The following CDH4 variants were observed in gnomAD, a reference collection of about 807,000 sequenced individuals.
CDH4 encodes the protein cadherin 4.
A neutral mutation model predicts 86.0 loss-of-function variants in CDH4; 33 were observed. That is an observed-to-expected ratio of 0.38 (90% CI 0.29 to 0.51). CDH4 has a LOEUF of 0.51. Ranked by LOEUF, CDH4 falls within the 20% of genes least tolerant of loss-of-function variation. CDH4 has a pLI of 0.86. For synonymous variants in CDH4, 555 were observed against 549.4 expected, an observed-to-expected ratio of 1.01 and a Z score of -0.14; for missense variants, 1,114 against 1,307.4, an observed-to-expected ratio of 0.85 and a Z score of 2.28.
At chr20:61,302,180 C>T (rs919793564) in intron 2 of CDH4, among the ~76,000 whole-genome samples, 1 of 152,156 alleles carries the variant, frequency 6.6e-6, no homozygotes, top group Non-Finnish European at 1.5e-5. Flanking sequence ...GGGCGGTGAC[C>T]TGCAGCTCAT....
chr20:61,919,971 C>T (rs1042022420), intron 9 of CDH4, among the ~76,000 whole-genome samples: 43 of 149,298 alleles, frequency 2.9e-4, no homozygotes, highest in Non-Finnish European at 4.1e-4. Flanking sequence ...TGTGTGGAAG[C>T]GTGGTATCGC....
At chr20:61,804,730 C>T (rs1980034773) in intron 4 of CDH4, among the ~76,000 whole-genome samples, 1 of 152,162 alleles carries the variant, frequency 6.6e-6, no homozygotes, top group African/African-American at 2.4e-5. Context: ...AGAGGGGAGT[C>T]CCCGTGTGGA....
chr20:61,843,883 C>A (rs1982301188), intron 4 of CDH4, among the ~76,000 whole-genome samples: 1 of 152,194 alleles, frequency 6.6e-6, no homozygotes, highest in Non-Finnish European at 1.5e-5. Context: ...CCTTTCAAAT[C>A]TCCGTGGCCT....
Position 61,565,260 on chromosome 20 carries a change from G to C in CDH4, c.170-178303G>C, listed in dbSNP as rs1210857656. On this transcript the variant is annotated intron_variant, in intron 2 of 15. Transcript: ENST00000614565. ...GGTGGTGGCGGTGCTCTTGGTGATG[G>C]TGGTGGTGGTCCTCTTGGTGATGGG... Among the ~76,000 whole-genome samples, 7 of 101,792 alleles carry C rather than the reference G, an allele frequency of 6.9e-5. 1 individual carries two copies. The East Asian group carries it at 1.0e-3, about 15-fold the overall frequency. The allele number at this position is 101,792 out of a possible 152,430, so 66.8% of individuals were successfully genotyped here.
At position 61,527,606 on chromosome 20, in the gene CDH4, G is replaced by A. The variant is rs533501640; in HGVS notation, c.170-215957G>A. On this transcript the variant is annotated intron_variant, in intron 2 of 15. Coordinates refer to ENST00000614565, the MANE Select transcript of CDH4 (RefSeq NM_001794.5). ...TTTTAAGCAGGGATCCATGCAGTGA[G>A]GGAGGAGAACCTCTATCATCTGAAA... Among the ~76,000 whole-genome samples the A allele has an allele frequency of 5.3e-5, 8 of 152,318 alleles. No individual in the cohort carries two copies. In the East Asian group the frequency reaches 1.5e-3, roughly 29 times the overall value.
intron 2 of CDH4, among the ~76,000 whole-genome samples, chr20:61,503,029 A>G (rs2085715838): frequency 6.6e-6 from 1 of 152,184 alleles, no homozygotes; most frequent in Non-Finnish European, 1.5e-5. Context: ...AATCCCAGGG[A>G]GAACCTAGAA....
At chr20:61,309,173 C>G (rs2123219408) in intron 2 of CDH4, among the ~76,000 whole-genome samples, 1 of 152,266 alleles carries the variant, frequency 6.6e-6, no homozygotes, top group East Asian at 1.9e-4. Flanking sequence ...AGGAGATCCT[C>G]TCATCTCTCT....
intron 2 of CDH4, among the ~76,000 whole-genome samples, chr20:61,297,675 C>A (rs2084363453): frequency 6.6e-6 from 1 of 152,246 alleles, no homozygotes; most frequent in Admixed American, 6.5e-5. Context: ...GCTCCTCTGT[C>A]CTGCCACCTA....
intron 2 of CDH4, among the ~76,000 whole-genome samples, chr20:61,602,099 A>G (rs527349112): frequency 3.7e-3 from 563 of 152,264 alleles, no homozygotes; most frequent in Non-Finnish European, 6.4e-3. Flanking sequence ...TGCCTGGCCC[A>G]TACTGGGGGC....
intron 2 of CDH4, among the ~76,000 whole-genome samples, chr20:61,456,604 A>G (rs1315105076): frequency 6.6e-6 from 1 of 152,182 alleles, no homozygotes; most frequent in Admixed American, 6.5e-5. Flanking sequence ...GCTGAAGGTG[A>G]GGAGCTATAT....
chr20:61,448,226 G>A (rs527774978), intron 2 of CDH4, among the ~76,000 whole-genome samples: 12 of 152,336 alleles, frequency 7.9e-5, no homozygotes, highest in Admixed American at 2.6e-4. Context: ...CAGGAATCAC[G>A]GACAGCTGGG....
intron 2 of CDH4, among the ~76,000 whole-genome samples, chr20:61,561,389 C>T (rs919436793): frequency 6.6e-5 from 10 of 152,216 alleles, no homozygotes; most frequent in Admixed American, 4.6e-4. Flanking sequence ...TGCTAGAGCA[C>T]GAGCAGTGGG....
intron 2 of CDH4, among the ~76,000 whole-genome samples, chr20:61,380,546 G>A (rs2084894882): frequency 1.0e-5 from 1 of 98,612 alleles, no homozygotes; most frequent in Non-Finnish European, 2.2e-5. Context: ...CCTCCCACCT[G>A]TTTTCACCCC....
At chr20:61,752,043 G>A (rs1174653722) in intron 3 of CDH4, among the ~76,000 whole-genome samples, 2 of 152,204 alleles carry the variant, frequency 1.3e-5, no homozygotes, top group Non-Finnish European at 1.5e-5. Flanking sequence ...TTAAAAATAA[G>A]AACTTCTGCC....
intron 2 of CDH4, among the ~76,000 whole-genome samples, chr20:61,390,626 TCG>T: frequency 6.6e-6 from 1 of 150,464 alleles, no homozygotes; most frequent in Non-Finnish European, 1.5e-5. Flanking sequence ...CCAATTGAGA[TCG>T]TACGGTCATA....
intron 2 of CDH4, among the ~76,000 whole-genome samples, chr20:61,579,838 G>C (rs1410680404): frequency 6.6e-6 from 1 of 152,034 alleles, no homozygotes; most frequent in African/African-American, 2.4e-5. Flanking sequence ...AAGTATGAAT[G>C]CAAACGTCCC....
At chr20:61,404,287 C>T (rs2085067430) in intron 2 of CDH4, among the ~76,000 whole-genome samples, 1 of 151,994 alleles carries the variant, frequency 6.6e-6, no homozygotes, top group African/African-American at 2.4e-5. Context: ...TTTTAATTTC[C>T]AAAAACCATG....
In CDH4 at chr20:61,703,132, G is replaced by T. The variant is rs1057178978; in HGVS notation, c.170-40431G>T. On this transcript the variant is annotated intron_variant, in intron 2 of 15. Coordinates refer to ENST00000614565, the MANE Select transcript of CDH4 (RefSeq NM_001794.5). This position sits in a 1 kb window ranked among gnomAD's most constrained non-coding sequence, Gnocchi z 4.3. ...TGGGGCAGGGGGCCACGGGATGTTA[G>T]AAATGCGGCAGAGACCAAGCTGTGA... Among the ~76,000 whole-genome samples, 1 of 152,208 alleles carries T rather than the reference G, an allele frequency of 6.6e-6. No homozygotes were observed.
chr20:61,323,124 A>AG (rs1376939138), intron 2 of CDH4, among the ~76,000 whole-genome samples: 1 of 152,180 alleles, frequency 6.6e-6, no homozygotes, highest in Non-Finnish European at 1.5e-5. Flanking sequence ...CGGTGGCAAG[A>AG]GGATAGCAAG....
Sources: gnomAD v4.1 joint callset for allele counts (sites outside exome capture counted in the v4.1 genomes callset) on GRCh38, gnomAD v4.1.1 for gene constraint, Gnocchi (gnomAD v3.1) non-coding constraint, MANE v1.5 for transcripts, NCBI Gene and HGNC (gene_info 2026-07-23, HGNC 2026-07-21) for gene names.